Variants in STX11 observed in about 807,000 individuals in gnomAD.
STX11 encodes syntaxin 11.
A neutral mutation model predicts 19.9 loss-of-function variants in STX11; 21 were observed. That is an observed-to-expected ratio of 1.06 (90% CI 0.75 to 1.52). STX11 has a LOEUF of 1.52. Ranked by LOEUF, STX11 falls within the 40% of genes most tolerant of loss-of-function variation. The probability of loss-of-function intolerance (pLI) is 0.00; values close to 1 mark genes in which losing one functional copy is unlikely to be tolerated. For missense variants in STX11, 438 were observed against 405.9 expected (o/e 1.08, Z -0.68); for synonymous variants, 193 against 174.4 (o/e 1.11, Z -0.84).
In STX11 at chr6:144,153,795, G is replaced by A. The variant is rs951337219; in HGVS notation, c.-6+3092G>A. Among the ~76,000 whole-genome samples, 1 of 152,166 alleles carries A rather than the reference G, an allele frequency of 6.6e-6. No individual in the cohort carries two copies. Among genetic ancestry groups the A allele is most frequent in the Non-Finnish European group, 1.5e-5 (1 of 68,026 alleles). ...TAATAGGTGGAACCCTGTCGGGTGT[G>A]TGTAATGAGGAGGTAGGAGCAGTTG... On this transcript the variant is annotated intron_variant, in intron 1 of 1. Transcript: ENST00000367568. The surrounding 1 kb of genome is among the most constrained non-coding windows in gnomAD (Gnocchi z 5.0).
rs542865091 is a variant in STX11, at chr6:144,177,617, G to A, written c.-5-9006G>A. Among the ~76,000 whole-genome samples the A allele has an allele frequency of 7.5e-4, 114 of 152,152 alleles. No individual in the cohort carries two copies. The highest frequency in any genetic ancestry group is 1.2e-3 in the Admixed American group (19 of 15,270). On this transcript the variant is annotated intron_variant, in intron 1 of 1. Coordinates refer to ENST00000367568, the MANE Select transcript of STX11 (RefSeq NM_003764.4). This position sits in a 1 kb window ranked among gnomAD's most constrained non-coding sequence, Gnocchi z 4.4. ...CACAAAAAATTAGCCGGGTGTGGTG[G>A]TGCACACCTGTAATCCCAGCTACTC...
In STX11 at chr6:144,187,805, T is replaced by G; in HGVS notation, c.*314T>G. On this transcript the variant is annotated 3_prime_UTR_variant, in exon 2 of 2. Coordinates refer to ENST00000367568, the MANE Select transcript of STX11 (RefSeq NM_003764.4). The surrounding 1 kb of genome is among the most constrained non-coding windows in gnomAD (Gnocchi z 5.6). Reference sequence around the variant, plus strand: ...ACTGAAGTTGTATCTGACTGTAGGGTGAATGTCTGAGGCCTGCCTCCTAAT... The same window carrying G: ...ACTGAAGTTGTATCTGACTGTAGGGGGAATGTCTGAGGCCTGCCTCCTAAT... The G allele has an allele frequency of 2.1e-6, 1 of 484,866 alleles. No individual in the cohort carries two copies. The highest frequency in any genetic ancestry group is 3.8e-6 in the Non-Finnish European group (1 of 259,990). 30.0% of individuals were successfully genotyped at this position (484,866 alleles called of 1,614,324 possible). A position where few individuals can be genotyped will look rare whatever the true frequency, so the allele number is the denominator to read the frequency against.
Position 144,176,980 on chromosome 6 carries a change from A to AT in STX11, c.-5-9637dup, listed in dbSNP as rs963402342. Among the ~76,000 whole-genome samples the AT allele has an allele frequency of 2.6e-5, 4 of 152,188 alleles. No homozygotes were observed. The highest frequency in any genetic ancestry group is 1.3e-4 in the Admixed American group (2 of 15,284). ...AAAGATATCAGCCATATATAAGAATATTTTTTCTGGGAGAATTTAACAGGA... is the reference window on the plus strand; with the variant it reads ...AAAGATATCAGCCATATATAAGAATATTTTTTTCTGGGAGAATTTAACAGGA... On this transcript the variant is annotated intron_variant, in intron 1 of 1. Coordinates refer to ENST00000367568, the MANE Select transcript of STX11 (RefSeq NM_003764.4). The surrounding 1 kb of genome is among the most constrained non-coding windows in gnomAD (Gnocchi z 4.1).
chr6:144,141,215 A>AT, the STX11 span, among the ~76,000 whole-genome samples: 1 of 152,354 alleles, frequency 6.6e-6, no homozygotes, highest in East Asian at 1.9e-4. Context: ...TCTAGATCAG[A>AT]TTTTTTAAAA....
rs1190250463 is a variant in STX11, at chr6:144,183,793, T to C, written c.-5-2830T>C. On this transcript the variant is annotated intron_variant, in intron 1 of 1. Coordinates refer to ENST00000367568, the MANE Select transcript of STX11 (RefSeq NM_003764.4). This position sits in a 1 kb window ranked among gnomAD's most constrained non-coding sequence, Gnocchi z 4.6. The stretch of plus-strand genomic sequence containing the variant: ...CGCAGGTTTGTTACAGAGGTAAACA[T>C]GTGCCATGGTGGTTTGCTGCACAGA... Among the ~76,000 whole-genome samples the C allele has an allele frequency of 6.6e-6, 1 of 152,170 alleles. No homozygotes were observed.
rs1383399383 is a variant in STX11, at chr6:144,162,533, A to G, written c.-6+11830A>G. Among the ~76,000 whole-genome samples the G allele has an allele frequency of 2.6e-5, 4 of 152,230 alleles. No homozygotes were observed. Among genetic ancestry groups the G allele is most frequent in the Admixed American group, 2.6e-4 (4 of 15,280 alleles). Reference sequence around the variant, plus strand: ...GGAAGGCGTCTTCAAAAATGCAAATATGCTTTCTTGATGGAGCAGTATATT... The same window carrying G: ...GGAAGGCGTCTTCAAAAATGCAAATGTGCTTTCTTGATGGAGCAGTATATT... On this transcript the variant is annotated intron_variant, in intron 1 of 1. Coordinates refer to ENST00000367568, the MANE Select transcript of STX11 (RefSeq NM_003764.4). This position sits in a 1 kb window ranked among gnomAD's most constrained non-coding sequence, Gnocchi z 4.6.
rs1423384606 is a variant in STX11, at chr6:144,180,665, C to T, written c.-5-5958C>T. ...AGTCCAATTAAACCTCTTTTCTTCCCAGTCTTGGGTATGTCTTTATCAGCA... is the reference window on the plus strand; with the variant it reads ...AGTCCAATTAAACCTCTTTTCTTCCTAGTCTTGGGTATGTCTTTATCAGCA... On this transcript the variant is annotated intron_variant, in intron 1 of 1. Transcript: ENST00000367568. The surrounding 1 kb of genome is among the most constrained non-coding windows in gnomAD (Gnocchi z 5.3). Among the ~76,000 whole-genome samples the T allele has an allele frequency of 6.6e-6, 1 of 152,146 alleles. No individual in the cohort carries two copies. Among genetic ancestry groups the T allele is most frequent in the Non-Finnish European group, 1.5e-5 (1 of 68,024 alleles).
Position 144,159,446 on chromosome 6 carries a change from T to C in STX11, c.-6+8743T>C, listed in dbSNP as rs1399805533. Among the ~76,000 whole-genome samples the C allele has an allele frequency of 6.6e-6, 1 of 152,240 alleles. No individual in the cohort carries two copies. Among genetic ancestry groups the C allele is most frequent in the Non-Finnish European group, 1.5e-5 (1 of 68,040 alleles). ...TATATCAAAATAGAAGTTACGGATT[T>C]GGCTTTGGTTACAAGAGACTACTTT... is the stretch of plus-strand genomic sequence containing the variant. On this transcript the variant is annotated intron_variant, in intron 1 of 1. Transcript: ENST00000367568. The surrounding 1 kb of genome is among the most constrained non-coding windows in gnomAD (Gnocchi z 4.3).
In STX11 at chr6:144,156,709, G is replaced by C. The variant is rs143679810; in HGVS notation, c.-6+6006G>C. Among the ~76,000 whole-genome samples, 130 of 152,210 alleles carry C rather than the reference G, an allele frequency of 8.5e-4. 1 individual carries two copies. In the East Asian group the frequency reaches 0.018, roughly 21 times the overall value. On this transcript the variant is annotated intron_variant, in intron 1 of 1. Coordinates refer to ENST00000367568, the MANE Select transcript of STX11 (RefSeq NM_003764.4). ...ATTAGTGACCCAAATCTGTTGATTT[G>C]AGATAAGTAGGACATAGTGTATTAG...
rs397795966 is a variant in STX11 at position 144,191,534 on chromosome 6, T to TAAA, written c.*4052_*4054dup. Among the ~76,000 whole-genome samples, 123 of 148,062 alleles carry TAAA rather than the reference T, an allele frequency of 8.3e-4. No homozygotes were observed. The highest frequency in any genetic ancestry group is 2.8e-3 in the African/African-American group (112 of 40,376). On this transcript the variant is annotated 3_prime_UTR_variant, in exon 2 of 2. Coordinates refer to ENST00000367568, the MANE Select transcript of STX11 (RefSeq NM_003764.4). ...AAACTACTGAAGATTGTGTACAGCT[T>TAAA]AAAAAAAAAAATAGGGTAACTATAG...
rs79627238 is a variant in STX11 at position 144,187,881 on chromosome 6, T to C, written c.*390T>C. ...GGCATCTGCTAATAGAATGAACTCA[T>C]GATGGAAACTTCAGTTCATTTACTT... is the stretch of plus-strand genomic sequence containing the variant. On this transcript the variant is annotated 3_prime_UTR_variant, in exon 2 of 2. Coordinates refer to ENST00000367568, the MANE Select transcript of STX11 (RefSeq NM_003764.4). This position sits in a 1 kb window ranked among gnomAD's most constrained non-coding sequence, Gnocchi z 5.6. The C allele has an allele frequency of 1.8e-3, 626 of 352,514 alleles. 2 individuals carry two copies. The highest frequency in any genetic ancestry group is 0.012 in the African/African-American group (560 of 48,534). The allele number at this position is 352,514 out of a possible 1,614,324, so 21.8% of individuals were successfully genotyped here.
Position 144,190,522 on chromosome 6 carries a change from T to C in STX11, c.*3031T>C, listed in dbSNP as rs1011900931. Reference sequence around the variant, plus strand: ...AATAAAGCCTATTTTTTGTTAACAGTCTTAATAAATAATAAAATGGAATAA... The same window carrying C: ...AATAAAGCCTATTTTTTGTTAACAGCCTTAATAAATAATAAAATGGAATAA... On this transcript the variant is annotated 3_prime_UTR_variant, in exon 2 of 2. Coordinates refer to ENST00000367568, the MANE Select transcript of STX11 (RefSeq NM_003764.4). Among the ~76,000 whole-genome samples the C allele has an allele frequency of 6.6e-6, 1 of 151,824 alleles. No homozygotes were observed. The highest frequency in any genetic ancestry group is 2.1e-4 in the South Asian group (1 of 4,820).
At chr6:144,143,177 AAC>A in the STX11 span, among the ~76,000 whole-genome samples, 1 of 152,172 alleles carries the variant, frequency 6.6e-6, no homozygotes, top group East Asian at 1.9e-4. Context: ...TGTACTGGAG[AAC>A]AATTTATATG....
the STX11 span, among the ~76,000 whole-genome samples, chr6:144,143,762 C>T: frequency 0.2 from 30,496 of 152,064 alleles, 3,743 homozygotes; most frequent in South Asian, 0.36. Flanking sequence ...AAAAGGAGAT[C>T]TCTGACACAT....
rs143564701 is a variant in STX11 at position 144,172,175 on chromosome 6, A to T, written c.-5-14448A>T. ...TTGTCAGTATAACAAGCCACCCCCA[A>T]ATAACAATTTTCTATTTCTCATGGG... On this transcript the variant is annotated intron_variant, in intron 1 of 1. Transcript: ENST00000367568. The surrounding 1 kb of genome is among the most constrained non-coding windows in gnomAD (Gnocchi z 4.2). Among the ~76,000 whole-genome samples, 4 of 152,274 alleles carry T rather than the reference A, an allele frequency of 2.6e-5. No homozygotes were observed. The highest frequency in any genetic ancestry group is 9.6e-5 in the African/African-American group (4 of 41,560).
At chr6:144,161,830 A>G (rs1030607557) in intron 1 of STX11, among the ~76,000 whole-genome samples, 8 of 152,262 alleles carry the variant, frequency 5.3e-5, no homozygotes, top group East Asian at 1.9e-4. Flanking sequence ...TGAAATTCCT[A>G]TTATTTGGAA....
chr6:144,161,407 G>A (rs1038656579), intron 1 of STX11, among the ~76,000 whole-genome samples: 5 of 146,726 alleles, frequency 3.4e-5, no homozygotes, highest in Non-Finnish European at 7.4e-5. Flanking sequence ...TCTCACTGTC[G>A]CCCACGCTGG....
chr6:144,164,431 G>A (rs1236167360), intron 1 of STX11, among the ~76,000 whole-genome samples: 1 of 152,156 alleles, frequency 6.6e-6, no homozygotes, highest in Non-Finnish European at 1.5e-5. Flanking sequence ...GAATGATTCT[G>A]CATGGATACT....
upstream of STX11, among the ~76,000 whole-genome samples, chr6:144,149,955 G>T (rs937926621): frequency 7.2e-5 from 11 of 152,032 alleles, no homozygotes; most frequent in African/African-American, 2.7e-4. The surrounding 1 kb of genome is among the most constrained non-coding windows in gnomAD (Gnocchi z 5.1). Flanking sequence ...ACAAGGGGAC[G>T]CTCAGTTGAT....
Sources: allele counts gnomAD v4.1 joint callset (sites outside exome capture counted in the v4.1 genomes callset), GRCh38; gene constraint gnomAD v4.1.1; non-coding constraint Gnocchi (gnomAD v3.1); transcripts MANE v1.5; gene names NCBI Gene and HGNC (gene_info 2026-07-23, HGNC 2026-07-21).